Variants in RBFOX1 observed in about 807,000 individuals in gnomAD.
The protein encoded by RBFOX1 is RNA binding fox-1 homolog 1, also known as RNA binding protein fox-1 homolog 1.
RBFOX1 carries 8 observed loss-of-function variants against 57.7 expected under a neutral mutation model. The ratio of observed to expected loss-of-function variants is 0.14; its 90% CI spans 0.08 to 0.25. The LOEUF is 0.25. RBFOX1 is among the 10% of genes least tolerant of loss of function. The pLI, the probability that RBFOX1 is intolerant of heterozygous loss-of-function variation, is 1.00. For missense variants in RBFOX1, 611 were observed against 548.5 expected (o/e 1.11, Z -1.14); for synonymous variants, 326 against 222.4 (o/e 1.47, Z -4.15).
chr16:7,327,549 ACT>A (rs2143839310), intron 4 of RBFOX1, among the ~76,000 whole-genome samples: 2 of 152,238 alleles, frequency 1.3e-5, no homozygotes, highest in South Asian at 4.2e-4. Context: ...TCAGGGAAAC[ACT>A]CTGTTTTATG....
chr16:6,898,003 C>A (rs890939261), intron 3 of RBFOX1, among the ~76,000 whole-genome samples: 1 of 152,122 alleles, frequency 6.6e-6, no homozygotes, highest in Non-Finnish European at 1.5e-5. Context: ...ACTACAGGCT[C>A]CACATGGACA....
Position 7,217,905 on chromosome 16 carries a change from C to T in RBFOX1, c.27+165807C>T, listed in dbSNP as rs76259843. Among the ~76,000 whole-genome samples the T allele has an allele frequency of 2.0e-3, 180 of 88,242 alleles. 1 individual carries two copies. In the South Asian group the frequency reaches 0.037, roughly 18 times the overall value. 57.9% of individuals were successfully genotyped at this position (88,242 alleles called of 152,430 possible). A position where few individuals can be genotyped will look rare whatever the true frequency, so the allele number is the denominator to read the frequency against. ...ATGTGTGTGCATGCGTATGTGTGTGCATGTGTGTGTGTGAGTGTAGGTGTG... is the reference window on the plus strand; with the variant it reads ...ATGTGTGTGCATGCGTATGTGTGTGTATGTGTGTGTGTGAGTGTAGGTGTG... On this transcript the variant is annotated intron_variant, in intron 4 of 15. Coordinates refer to ENST00000550418, the MANE Select transcript of RBFOX1 (RefSeq NM_018723.4).
At chr16:7,012,352 G>A (rs745345853) in intron 3 of RBFOX1, among the ~76,000 whole-genome samples, 1 of 152,166 alleles carries the variant, frequency 6.6e-6, no homozygotes, top group East Asian at 1.9e-4. Context: ...ACTGAATCAG[G>A]TCTCTTCAAT....
intron 2 of RBFOX1, among the ~76,000 whole-genome samples, chr16:6,558,463 C>G (rs1219825837): frequency 6.6e-6 from 1 of 152,008 alleles, no homozygotes; most frequent in African/African-American, 2.4e-5. Flanking sequence ...AAATGGGAAG[C>G]TTTTTGAACT....
intron 2 of RBFOX1, among the ~76,000 whole-genome samples, chr16:6,519,895 G>A (rs192888410): frequency 1.7e-4 from 26 of 152,264 alleles, no homozygotes; most frequent in Non-Finnish European, 3.5e-4. Flanking sequence ...ATATATACCA[G>A]AACTGTGGGT....
At chr16:7,286,353 C>T (rs1055058158) in intron 4 of RBFOX1, among the ~76,000 whole-genome samples, 1 of 151,862 alleles carries the variant, frequency 6.6e-6, no homozygotes, top group African/African-American at 2.4e-5. Flanking sequence ...GGTCTAGGTT[C>T]TTGCCACTTT....
chr16:5,667,427 T>C (rs1364851299), intron 3 of RBFOX1, among the ~76,000 whole-genome samples: 1 of 152,256 alleles, frequency 6.6e-6, no homozygotes, highest in African/African-American at 2.4e-5. Context: ...ATTTTCTGTT[T>C]AGAAATATAT....
At chr16:7,048,603 A>C (rs770151412) in intron 3 of RBFOX1, among the ~76,000 whole-genome samples, 13 of 152,062 alleles carry the variant, frequency 8.5e-5, no homozygotes, top group Non-Finnish European at 1.9e-4. Flanking sequence ...TAATGCTGTC[A>C]ATTTTTTTCT....
At chr16:6,562,283 A>G (rs1257422016) in intron 2 of RBFOX1, among the ~76,000 whole-genome samples, 1 of 152,248 alleles carries the variant, frequency 6.6e-6, no homozygotes, top group African/African-American at 2.4e-5. Context: ...AGATTGCCTT[A>G]TCTGCACACT....
chr16:5,548,025 G>A (rs1192740337), intron 2 of RBFOX1, among the ~76,000 whole-genome samples: 2 of 151,604 alleles, frequency 1.3e-5, no homozygotes, highest in African/African-American at 4.8e-5. Context: ...ACCGGGCGTG[G>A]TGGCTTGTGC....
chr16:7,337,199 T>G (rs2096804962), intron 4 of RBFOX1, among the ~76,000 whole-genome samples: 1 of 152,132 alleles, frequency 6.6e-6, no homozygotes, highest in South Asian at 2.1e-4. Flanking sequence ...GGATTTGGAC[T>G]GGATTTGTTG....
chr16:6,852,393 C>A (rs998410355), intron 3 of RBFOX1, among the ~76,000 whole-genome samples: 5 of 152,154 alleles, frequency 3.3e-5, no homozygotes, highest in African/African-American at 1.2e-4. Flanking sequence ...GTCACATCAG[C>A]AAGGAAACTA....
chr16:6,353,965 G>A (rs957884735), intron 2 of RBFOX1, among the ~76,000 whole-genome samples: 11 of 152,144 alleles, frequency 7.2e-5, no homozygotes, highest in Non-Finnish European at 1.6e-4. Context: ...CACGCCTGTA[G>A]TCCCAGTACT....
intron 2 of RBFOX1, among the ~76,000 whole-genome samples, chr16:5,535,134 G>A (rs1313549540): frequency 1.3e-5 from 2 of 152,174 alleles, no homozygotes; most frequent in Non-Finnish European, 2.9e-5. Context: ...AGCTACTTAG[G>A]TTTGAAAAAA....
intron 2 of RBFOX1, among the ~76,000 whole-genome samples, chr16:6,365,565 C>G (rs950440740): frequency 1.3e-5 from 2 of 152,160 alleles, no homozygotes; most frequent in South Asian, 4.1e-4. Flanking sequence ...GTCTCTTTCT[C>G]TGGGGAGGGG....
intron 4 of RBFOX1, among the ~76,000 whole-genome samples, chr16:7,064,376 C>G (rs909668379): frequency 2.0e-5 from 3 of 151,934 alleles, no homozygotes; most frequent in Non-Finnish European, 4.4e-5. Flanking sequence ...ACCATGTTGC[C>G]CAGGCTGGTC....
intron 3 of RBFOX1, among the ~76,000 whole-genome samples, chr16:6,855,206 G>A (rs1603632737): frequency 6.6e-6 from 1 of 152,032 alleles, no homozygotes; most frequent in Non-Finnish European, 1.5e-5. Context: ...TATAGTACCT[G>A]GCAAAATGAT....
Position 6,850,909 on chromosome 16 carries a change from A to G in RBFOX1, c.-16+196259A>G, listed in dbSNP as rs115516769. Among the ~76,000 whole-genome samples the G allele has an allele frequency of 5.9e-3, 901 of 152,324 alleles. 11 individuals are homozygous for G. Among genetic ancestry groups the G allele is most frequent in the African/African-American group, 0.021 (858 of 41,568 alleles). On this transcript the variant is annotated intron_variant, in intron 3 of 15. Coordinates refer to ENST00000550418, the MANE Select transcript of RBFOX1 (RefSeq NM_018723.4). ...AGTAAAATGAAAACACATCCACAAA[A>G]CAACCTGTATGCAAATGTTCACTGC... is the stretch of plus-strand genomic sequence containing the variant.
At chr16:5,868,003 T>A (rs752620895) in intron 4 of RBFOX1, among the ~76,000 whole-genome samples, 1 of 151,814 alleles carries the variant, frequency 6.6e-6, no homozygotes, top group Non-Finnish European at 1.5e-5. Context: ...TGAGCCACCA[T>A]GCCCAGCCTG....
Sources: gnomAD v4.1 joint callset for allele counts (sites outside exome capture counted in the v4.1 genomes callset) on GRCh38, gnomAD v4.1.1 for gene constraint, MANE v1.5 for transcripts, NCBI Gene and HGNC (gene_info 2026-07-23, HGNC 2026-07-21) for gene names.